STARD13: variants seen among roughly 807,000 people sequenced by gnomAD.
The protein encoded by STARD13 is StAR related lipid transfer domain containing 13, also known as stAR-related lipid transfer protein 13.
A neutral mutation model predicts 106.4 loss-of-function variants in STARD13; 62 were observed. The ratio of observed to expected loss-of-function variants is 0.58; its 90% CI spans 0.48 to 0.72. STARD13 has a LOEUF of 0.72. Among genes scored for constraint, STARD13 ranks in the 30% least tolerant of loss-of-function variants. The pLI is 0.00. For missense variants in STARD13, 1,387 were observed against 1,424.0 expected (o/e 0.97, Z 0.42); for synonymous variants, 565 against 553.0 (o/e 1.02, Z -0.31).
At chr13:33,551,848 T>C in the STARD13 span, among the ~76,000 whole-genome samples, 1 of 152,016 alleles carries the variant, frequency 6.6e-6, no homozygotes, top group Non-Finnish European at 1.5e-5. Context: ...TCCACTCACC[T>C]TGGCCTCCCA....
At chr13:33,377,341 T>C in the STARD13 span, among the ~76,000 whole-genome samples, 1 of 152,182 alleles carries the variant, frequency 6.6e-6, no homozygotes, top group Non-Finnish European at 1.5e-5. Context: ...TTCTTTTGAA[T>C]GTGAAGAGAC....
the STARD13 span, among the ~76,000 whole-genome samples, chr13:33,411,077 G>C: frequency 6.6e-6 from 1 of 152,018 alleles, no homozygotes; most frequent in African/African-American, 2.4e-5. Flanking sequence ...CTATTTTATG[G>C]CAACATTTCT....
rs1451271616 is a variant in STARD13 at position 33,342,144 on chromosome 13, A to T, written c.124+8146T>A. Among the ~76,000 whole-genome samples the T allele has an allele frequency of 2.0e-5, 3 of 152,262 alleles. No individual in the cohort carries two copies. In the South Asian group the frequency reaches 6.2e-4, roughly 32 times the overall value. ...GGTTATCTATTTATATGCTCTGAAA[A>T]ATTTTACCTTAACCAGTGGTGTCAG... is the stretch of plus-strand genomic sequence containing the variant. On this transcript the variant is annotated intron_variant, in intron 1 of 5. Coordinates refer to the STARD13 transcript ENST00000567873.
chr13:33,423,392 A>C, the STARD13 span, among the ~76,000 whole-genome samples: 1 of 152,238 alleles, frequency 6.6e-6, no homozygotes, highest in Non-Finnish European at 1.5e-5. Flanking sequence ...AACCACAATG[A>C]GATACCATCT....
intron 1 of STARD13, among the ~76,000 whole-genome samples, chr13:33,188,900 C>T (rs1212677950): frequency 6.6e-6 from 1 of 152,162 alleles, no homozygotes; most frequent in Non-Finnish European, 1.5e-5. Flanking sequence ...CATGAAATCC[C>T]TTAGACTTTT....
At chr13:33,427,955 C>CAAAAAAAAAAAAAAA in the STARD13 span, among the ~76,000 whole-genome samples, 1 of 100,936 alleles carries the variant, frequency 9.9e-6, no homozygotes, top group African/African-American at 3.7e-5. Flanking sequence ...AACTCCGTCT[C>CAAAAAAAAAAAAAAA]AAAAAAAAAA....
the STARD13 span, among the ~76,000 whole-genome samples, chr13:33,665,283 C>T: frequency 2.0e-4 from 31 of 152,182 alleles, no homozygotes; most frequent in African/African-American, 7.0e-4. Flanking sequence ...CAAAGGAGTG[C>T]CTCTGTGGCA....
chr13:33,469,254 G>T, the STARD13 span, among the ~76,000 whole-genome samples: 4 of 152,258 alleles, frequency 2.6e-5, no homozygotes, highest in East Asian at 7.7e-4. Flanking sequence ...TCACAAGTAA[G>T]TTTCAGAAGC....
chr13:33,667,092 A>C, the STARD13 span, among the ~76,000 whole-genome samples: 1 of 152,242 alleles, frequency 6.6e-6, no homozygotes, highest in African/African-American at 2.4e-5. Context: ...TTTAAAATGT[A>C]TTATTAACCA....
the STARD13 span, among the ~76,000 whole-genome samples, chr13:33,403,237 T>C: frequency 1.3e-5 from 2 of 152,226 alleles, no homozygotes; most frequent in African/African-American, 4.8e-5. Context: ...ACACCCCTGC[T>C]GCACATCCTG....
chr13:33,242,153 G>A (rs996920564), intron 1 of STARD13, among the ~76,000 whole-genome samples: 12 of 151,788 alleles, frequency 7.9e-5, no homozygotes, highest in East Asian at 1.9e-4. Flanking sequence ...CTGACCGGCC[G>A]CCCCGTCTGA....
intron 1 of STARD13, among the ~76,000 whole-genome samples, chr13:33,195,430 G>A (rs1263013567): frequency 6.6e-6 from 1 of 152,188 alleles, no homozygotes; most frequent in Non-Finnish European, 1.5e-5. Flanking sequence ...TTTCTCTCAG[G>A]AGACTGTCCT....
At chr13:33,123,289 C>G (rs1041274395) in intron 7 of STARD13, among the ~76,000 whole-genome samples, 1 of 152,218 alleles carries the variant, frequency 6.6e-6, no homozygotes, top group East Asian at 1.9e-4. Flanking sequence ...AATTCACATT[C>G]CATCTGAATA....
chr13:33,212,741 A>G (rs1339177283), intron 1 of STARD13, among the ~76,000 whole-genome samples: 4 of 152,244 alleles, frequency 2.6e-5, no homozygotes, highest in African/African-American at 9.6e-5. Context: ...GTGTGTTTGA[A>G]AAACAATCTC....
At chr13:33,567,988 A>T in the STARD13 span, among the ~76,000 whole-genome samples, 1 of 147,738 alleles carries the variant, frequency 6.8e-6, no homozygotes, top group Non-Finnish European at 1.5e-5. Context: ...TCTTCTTTAG[A>T]AAATGAAGAG....
At chr13:33,650,487 G>A in the STARD13 span, among the ~76,000 whole-genome samples, 11 of 152,164 alleles carry the variant, frequency 7.2e-5, no homozygotes, top group Non-Finnish European at 1.2e-4. Flanking sequence ...ACCGCGCCCG[G>A]CCGACTCCAA....
chr13:33,181,919 G>A (rs79755984), intron 1 of STARD13, among the ~76,000 whole-genome samples: 8 of 45,286 alleles, frequency 1.8e-4, no homozygotes, highest in African/African-American at 1.1e-3. Flanking sequence ...AGATTTCCCT[G>A]TTTTCCCACA....
chr13:33,466,489 T>C, the STARD13 span, among the ~76,000 whole-genome samples: 2 of 152,170 alleles, frequency 1.3e-5, no homozygotes, highest in Non-Finnish European at 2.9e-5. Context: ...CTTCACACTA[T>C]TTGATGGACG....
At chr13:33,151,201 T>C (rs745948514) in intron 3 of STARD13, among the ~76,000 whole-genome samples, 13 of 152,190 alleles carry the variant, frequency 8.5e-5, no homozygotes, top group Non-Finnish European at 1.9e-4. Flanking sequence ...AAAGGGGTGT[T>C]AGTCTGTTTT....
Sources: gnomAD v4.1 joint callset for allele counts (sites outside exome capture counted in the v4.1 genomes callset) on GRCh38, gnomAD v4.1.1 for gene constraint, MANE v1.5 for transcripts, NCBI Gene and HGNC (gene_info 2026-07-23, HGNC 2026-07-21) for gene names.